The following FBXW10B variants were observed in gnomAD, a reference collection of about 807,000 sequenced individuals.
FBXW10B encodes F-box and WD repeat domain containing 10B, also known as F-box and WD repeat domain containing protein 10B.
At chr17:15,578,103 T>G in the FBXW10B span, among the ~76,000 whole-genome samples, 3 of 151,894 alleles carry the variant, frequency 2.0e-5, no homozygotes, top group Non-Finnish European at 4.4e-5. Context: ...GGGGGCCAAT[T>G]CTAGGGCAAA....
At chr17:15,591,585 G>A in the FBXW10B span, among the ~76,000 whole-genome samples, 1 of 152,206 alleles carries the variant, frequency 6.6e-6, no homozygotes, top group African/African-American at 2.4e-5. Context: ...ACTGCGCCTG[G>A]CCTCAAGTTA....
At chr17:15,565,792 T>G in the FBXW10B span, 2 of 1,605,304 alleles carry the variant, frequency 1.2e-6, no homozygotes, top group South Asian at 1.1e-5. Context: ...AGGCCGTTCT[T>G]TCTTAAGAGA....
the FBXW10B span, among the ~76,000 whole-genome samples, chr17:15,609,639 G>A: frequency 6.6e-6 from 1 of 151,748 alleles, no homozygotes; most frequent in African/African-American, 2.4e-5. Context: ...ACACCTCCTC[G>A]ATCTATGGTG....
the FBXW10B span, among the ~76,000 whole-genome samples, chr17:15,603,419 G>A: frequency 2.0e-5 from 3 of 152,062 alleles, no homozygotes; most frequent in East Asian, 5.9e-4. Context: ...ACATTGTATT[G>A]GTTCTGTTTC....
At chr17:15,572,912 G>C in the FBXW10B span, 1 of 152,098 alleles carries the variant, frequency 6.6e-6, no homozygotes, top group Non-Finnish European at 1.5e-5. Flanking sequence ...TCAGATTTAG[G>C]TTAAAAGAAC....
At chr17:15,618,313 G>A in the FBXW10B span, among the ~76,000 whole-genome samples, 8 of 152,024 alleles carry the variant, frequency 5.3e-5, no homozygotes, top group South Asian at 2.1e-4. Flanking sequence ...GGGTGACAGC[G>A]AGACTCCATC....
the FBXW10B span, chr17:15,619,137 C>T: frequency 6.2e-7 from 1 of 1,613,842 alleles, no homozygotes; most frequent in African/African-American, 1.3e-5. Context: ...GTGCTGTTCG[C>T]AAACCAATAC....
the FBXW10B span, among the ~76,000 whole-genome samples, chr17:15,583,493 C>T: frequency 6.7e-6 from 1 of 148,616 alleles, no homozygotes; most frequent in African/African-American, 2.4e-5. Context: ...AAGGACCACA[C>T]CTGTCTTGCT....
At chr17:15,606,999 A>G in the FBXW10B span, among the ~76,000 whole-genome samples, 2 of 152,174 alleles carry the variant, frequency 1.3e-5, no homozygotes, top group African/African-American at 4.8e-5. Context: ...GCATATTGAA[A>G]TGATGTCAGA....
the FBXW10B span, chr17:15,615,730 AT>A: frequency 6.2e-7 from 1 of 1,613,684 alleles, no homozygotes; most frequent in East Asian, 2.2e-5. Flanking sequence ...TGGCTGTCCA[AT>A]AGACTTGTGA....
At chr17:15,608,355 T>C in the FBXW10B span, among the ~76,000 whole-genome samples, 1 of 150,610 alleles carries the variant, frequency 6.6e-6, no homozygotes, top group Non-Finnish European at 1.5e-5. Flanking sequence ...AGAGACAGGG[T>C]TTCACCATGT....
the FBXW10B span, chr17:15,596,359 C>T: frequency 1.1e-4 from 75 of 672,766 alleles, no homozygotes; most frequent in African/African-American, 1.4e-3. Flanking sequence ...ACTCTGAATG[C>T]CTCACTTTGG....
chr17:15,593,643 T>G, the FBXW10B span: 22 of 946,386 alleles, frequency 2.3e-5, no homozygotes, highest in Non-Finnish European at 3.2e-5. Flanking sequence ...TTTTTTTTTT[T>G]TTGAGATGGA....
the FBXW10B span, among the ~76,000 whole-genome samples, chr17:15,576,030 A>G: frequency 2.0e-5 from 3 of 152,330 alleles, no homozygotes; most frequent in Non-Finnish European, 4.4e-5. Context: ...ATTTCGCTTC[A>G]GAGATGTGTT....
the FBXW10B span, chr17:15,598,443 C>T: frequency 6.2e-7 from 1 of 1,608,048 alleles, no homozygotes; most frequent in Admixed American, 1.7e-5. Flanking sequence ...AAATGAGTGC[C>T]TGCCTATAGA....
the FBXW10B span, among the ~76,000 whole-genome samples, chr17:15,602,337 G>A: frequency 6.6e-6 from 1 of 152,124 alleles, no homozygotes; most frequent in Non-Finnish European, 1.5e-5. Context: ...AATGGAGGAA[G>A]TGGCAGGTTA....
chr17:15,607,785 T>G, the FBXW10B span: 1 of 1,113,234 alleles, frequency 9.0e-7, no homozygotes, highest in South Asian at 1.5e-5. Context: ...GGCTCACAGA[T>G]TCTTCCTCTG....
the FBXW10B span, chr17:15,619,467 A>T: frequency 1.2e-6 from 2 of 1,613,894 alleles, no homozygotes; most frequent in South Asian, 2.2e-5. Context: ...CCCTTCTCAC[A>T]ACGAAAATAG....
the FBXW10B span, among the ~76,000 whole-genome samples, chr17:15,579,153 A>ATAAG: frequency 6.6e-6 from 1 of 151,286 alleles, no homozygotes; most frequent in Non-Finnish European, 1.5e-5. Flanking sequence ...CTTAAAATAA[A>ATAAG]TAAATAAATA....
Sources: allele counts gnomAD v4.1 joint callset (sites outside exome capture counted in the v4.1 genomes callset), GRCh38; gene constraint gnomAD v4.1.1; transcripts MANE v1.5; gene names NCBI Gene and HGNC (gene_info 2026-07-23, HGNC 2026-07-21).